Variants in MTMR14 observed in about 807,000 individuals in gnomAD.
MTMR14 encodes myotubularin related protein 14, also known as phosphatidylinositol-3,5-bisphosphate 3-phosphatase MTMR14.
MTMR14 carries 48 observed loss-of-function variants against 86.3 expected under a neutral mutation model. That is an observed-to-expected ratio of 0.56 (90% CI 0.44 to 0.71). The LOEUF is 0.71. Ranked by LOEUF, MTMR14 falls within the 30% of genes least tolerant of loss-of-function variation. The pLI, the probability that MTMR14 is intolerant of heterozygous loss-of-function variation, is 0.00. For synonymous variants in MTMR14, 366 were observed against 326.1 expected, an observed-to-expected ratio of 1.12 and a Z score of -1.32; for missense variants, 780 against 834.6, an observed-to-expected ratio of 0.93 and a Z score of 0.81.
intron 3 of MTMR14, among the ~76,000 whole-genome samples, chr3:9,664,116 C>T (rs1373582432): frequency 6.6e-6 from 1 of 151,896 alleles, no homozygotes; most frequent in African/African-American, 2.4e-5. Flanking sequence ...GAGTACCACC[C>T]TGTGCAGCAC....
At chr3:9,678,674 A>G (rs1269293386) in intron 9 of MTMR14, among the ~76,000 whole-genome samples, 1 of 152,240 alleles carries the variant, frequency 6.6e-6, no homozygotes, top group Non-Finnish European at 1.5e-5. Context: ...TCTGGCTGAC[A>G]TACTGCCCTT....
chr3:9,688,828 G>A (rs1333424265), intron 15 of MTMR14, 74 bp downstream of exon 15: 2 of 1,607,192 alleles, frequency 1.2e-6, no homozygotes, highest in Non-Finnish European at 1.7e-6. Flanking sequence ...GGAACTGTTT[G>A]TGCTAAGAGG....
chr3:9,687,497 G>A (rs2075997034), intron 13 of MTMR14, among the ~76,000 whole-genome samples: 1 of 152,010 alleles, frequency 6.6e-6, no homozygotes, highest in African/African-American at 2.4e-5. Flanking sequence ...TGAGCTTGCA[G>A]TGAGCCGAGA....
At chr3:9,689,430 T>C (rs753012119) in intron 16 of MTMR14, among the ~76,000 whole-genome samples, 2 of 152,078 alleles carry the variant, frequency 1.3e-5, no homozygotes, top group Non-Finnish European at 2.9e-5. Context: ...AACCAAAAGG[T>C]AGGTGTAAGT....
intron 9 of MTMR14, 31 bp downstream of exon 9, chr3:9,678,089 G>A: frequency 6.2e-7 from 1 of 1,610,216 alleles, no homozygotes; most frequent in East Asian, 2.2e-5. Context: ...ATTGAGGGCA[G>A]GATAAGGGAG....
At chr3:9,670,742 A>C (rs1479173526) in intron 5 of MTMR14, among the ~76,000 whole-genome samples, 1 of 152,244 alleles carries the variant, frequency 6.6e-6, no homozygotes, top group East Asian at 1.9e-4. Flanking sequence ...TGCATTTTAG[A>C]ACGCTGAGAT....
At chr3:9,649,877 C>T (rs2047178211) in intron 1 of MTMR14, 135 bp downstream of exon 1, 7 of 1,530,376 alleles carry the variant, frequency 4.6e-6, no homozygotes, top group African/African-American at 1.4e-5. Context: ...GAGAGGAGTT[C>T]TCCAGGGTCT....
intron 9 of MTMR14, among the ~76,000 whole-genome samples, chr3:9,680,822 G>T (rs1048810390): frequency 2.0e-5 from 3 of 152,028 alleles, no homozygotes; most frequent in Non-Finnish European, 4.4e-5. Flanking sequence ...GGGCGACAGA[G>T]CGAGACTCCG....
chr3:9,688,577 C>T, intron 14 of MTMR14, 119 bp from the exon 15 acceptor site: 1 of 1,131,486 alleles, frequency 8.8e-7, no homozygotes, highest in Non-Finnish European at 1.3e-6. Flanking sequence ...AGGCTAGGAC[C>T]CGTCTCCACA....
chr3:9,689,231 C>A, intron 16 of MTMR14, 149 bp downstream of exon 16: 2 of 1,268,112 alleles, frequency 1.6e-6, no homozygotes, highest in Non-Finnish European at 2.2e-6. Flanking sequence ...CTCTACTGGG[C>A]CTCAGAAGTC....
intron 2 of MTMR14, among the ~76,000 whole-genome samples, chr3:9,657,175 T>C (rs558548456): frequency 6.6e-6 from 1 of 151,828 alleles, no homozygotes; most frequent in African/African-American, 2.4e-5. Context: ...TTTCAAAGTG[T>C]TGGGATTAGA....
chr3:9,679,418 C>T (rs2075687226), intron 9 of MTMR14, among the ~76,000 whole-genome samples: 1 of 152,216 alleles, frequency 6.6e-6, no homozygotes, highest in South Asian at 2.1e-4. Context: ...GACTCTGCCC[C>T]AAGCCACCCT....
Position 9,701,744 on chromosome 3 carries a change from CTG to C in MTMR14, c.1770-44_1770-43del. On this transcript the variant is annotated intron_variant, in intron 18 of 18. Transcript: ENST00000296003. This position sits in a 1 kb window ranked among gnomAD's most constrained non-coding sequence, Gnocchi z 4.2. ...GGAGGGAGGATGAGGATACTGGGTCCTGTCCCAGGGTAATGTCTTTGTTCTTT... is the reference window on the plus strand; with the variant it reads ...GGAGGGAGGATGAGGATACTGGGTCCTCCCAGGGTAATGTCTTTGTTCTTT... The C allele has an allele frequency of 1.9e-6, 3 of 1,606,070 alleles. No individual in the cohort carries two copies. The highest frequency in any genetic ancestry group is 2.6e-6 in the Non-Finnish European group (3 of 1,175,934).
chr3:9,698,218 T>C (rs2076343912), intron 18 of MTMR14, among the ~76,000 whole-genome samples: 1 of 152,228 alleles, frequency 6.6e-6, no homozygotes, highest in Non-Finnish European at 1.5e-5. Flanking sequence ...AAGGTAGGTG[T>C]ATGGTGGAGG....
chr3:9,688,112 A>T (rs1008885042), intron 14 of MTMR14, among the ~76,000 whole-genome samples: 3 of 152,138 alleles, frequency 2.0e-5, no homozygotes, highest in African/African-American at 4.8e-5. Context: ...GTCAACTTGG[A>T]GTCACACTAG....
At chr3:9,699,807 C>G (rs940595178) in intron 18 of MTMR14, 3 of 152,256 alleles carry the variant, frequency 2.0e-5, no homozygotes, top group African/African-American at 7.2e-5. Context: ...TTTGGATGTT[C>G]CCTGTGAGTG....
chr3:9,668,769 C>G lies in MTMR14; in HGVS notation c.468C>G (p.Arg156=). The change falls in exon 4 of 19, where the codon CGC becomes CGG. Residue 156 remains arginine (R), a synonymous_variant. Transcript: ENST00000296003. ...CTGGATGGGGAGAGCTGTATGGACGCTCAGGCTACAACTATTTTTTCTCAG... is the reference window on the plus strand; with the variant it reads ...CTGGATGGGGAGAGCTGTATGGACGGTCAGGCTACAACTATTTTTTCTCAG... The part of the protein sequence containing the change: ...TLAGWGELYG[R]SGYNYFFSGG... 6.2e-7 allele frequency: 1 copy of G among 1,614,166 alleles called. No homozygotes were observed. The highest frequency in any genetic ancestry group is 8.5e-7 in the Non-Finnish European group (1 of 1,180,028).
In MTMR14 at chr3:9,677,066, A is replaced by G. The variant is rs760636248; in HGVS notation, c.752-251A>G. Among the ~76,000 whole-genome samples, 3 of 152,248 alleles carry G rather than the reference A, an allele frequency of 2.0e-5. No homozygotes were observed. Among genetic ancestry groups the G allele is most frequent in the Admixed American group, 6.5e-5 (1 of 15,290 alleles). On this transcript the variant is annotated intron_variant, in intron 7 of 18. Transcript: ENST00000296003. This position sits in a 1 kb window ranked among gnomAD's most constrained non-coding sequence, Gnocchi z 4.2. ...CCAGTGAGCATAGATGGAGAAAGTT[A>G]CAAAGAGGCTGAGAGCAGGCAGTGC...
At chr3:9,665,194 A>G (rs1163844827) in intron 3 of MTMR14, among the ~76,000 whole-genome samples, 1 of 150,592 alleles carries the variant, frequency 6.6e-6, no homozygotes, top group African/African-American at 2.4e-5. Flanking sequence ...AGGCAGGAGA[A>G]TTGCTTGAAC....
Sources: gnomAD v4.1 joint callset for allele counts (sites outside exome capture counted in the v4.1 genomes callset) on GRCh38, gnomAD v4.1.1 for gene constraint, Gnocchi (gnomAD v3.1) non-coding constraint, MANE v1.5 for transcripts, NCBI Gene and HGNC (gene_info 2026-07-23, HGNC 2026-07-21) for gene names.